The following SMARCC1 variants were observed in gnomAD, a reference collection of about 807,000 sequenced individuals.
SMARCC1 encodes the protein SWI/SNF related BAF chromatin remodeling complex subunit C1, also known as SWI/SNF complex subunit SMARCC1.
Under a neutral mutation model 147.4 loss-of-function variants are expected in SMARCC1, and 43 were observed. The ratio of observed to expected loss-of-function variants is 0.29; its 90% CI spans 0.23 to 0.38. SMARCC1 has a LOEUF of 0.38. SMARCC1 is among the 10% of genes least tolerant of loss of function. The probability of loss-of-function intolerance (pLI) is 1.00; values close to 1 mark genes in which losing one functional copy is unlikely to be tolerated. For synonymous variants in SMARCC1, 495 were observed against 484.4 expected (o/e 1.02, Z -0.29); for missense variants, 1,119 against 1,381.1 (o/e 0.81, Z 3.01).
chr3:47,597,739 G>C (rs534759469), intron 26 of SMARCC1, among the ~76,000 whole-genome samples: 1 of 152,218 alleles, frequency 6.6e-6, no homozygotes, highest in Non-Finnish European at 1.5e-5. Context: ...TGGGACTATG[G>C]GTGTGAGCTA....
At position 47,635,332 on chromosome 3, in the gene SMARCC1, G is replaced by C; in HGVS notation, c.2504C>G (p.Thr835Ser). The change falls in exon 24 of 28, where the codon ACT becomes AGT. Residue 835 changes from threonine (T) to serine (S), a missense_variant. By Grantham distance (58) the Thr-to-Ser change is moderately conservative. Around this residue, in one of 6 missense-constraint regions of SMARCC1, gnomAD observed 157 missense variants for 158.6 expected, o/e 0.99. Coordinates refer to ENST00000254480, the MANE Select transcript of SMARCC1 (RefSeq NM_003074.4). The part of the protein sequence containing the change: ...SEDTKSEEKE[T>S]EENKELTDTC... ...ATCAGTGAGTTCTTTGTTCTCTTCA[G>C]TCTCCTTTTCTTCTGAAAATATCAG... 1.2e-6 allele frequency: 2 copies of C among 1,611,780 alleles called. No individual in the cohort carries two copies. The highest frequency in any genetic ancestry group is 1.7e-6 in the Non-Finnish European group (2 of 1,179,800).
chr3:47,765,891 C>T (rs2034834616), intron 2 of SMARCC1, among the ~76,000 whole-genome samples: 2 of 152,076 alleles, frequency 1.3e-5, no homozygotes, highest in Admixed American at 6.6e-5. Flanking sequence ...TGCCACCACA[C>T]CCGGGTAATT....
intron 1 of SMARCC1, among the ~76,000 whole-genome samples, chr3:47,775,439 T>C (rs1198225077): frequency 1.4e-5 from 2 of 142,158 alleles, no homozygotes; most frequent in East Asian, 4.6e-4. Flanking sequence ...GGATTACAGG[T>C]GTGAGCCACC....
intron 1 of SMARCC1, among the ~76,000 whole-genome samples, chr3:47,776,434 T>A (rs1035222054): frequency 3.9e-5 from 6 of 152,026 alleles, no homozygotes; most frequent in Non-Finnish European, 7.4e-5. Flanking sequence ...AAACTCCATC[T>A]CTACTAAAAA....
At chr3:47,694,955 C>CA (rs994032304) in intron 11 of SMARCC1, among the ~76,000 whole-genome samples, 2 of 151,896 alleles carry the variant, frequency 1.3e-5, no homozygotes, top group African/African-American at 2.4e-5. Context: ...TCTCCCCCTA[C>CA]AAAAAAAACC....
In SMARCC1 at chr3:47,588,080, C is replaced by T. The variant is rs1038137577; in HGVS notation, c.*129G>A. The T allele has an allele frequency of 7.9e-5, 56 of 709,822 alleles. No individual in the cohort carries two copies. Among genetic ancestry groups the T allele is most frequent in the African/African-American group, 6.8e-4 (38 of 55,524 alleles). The allele number at this position is 709,822 out of a possible 1,614,324, so 44.0% of individuals were successfully genotyped here. A position where few individuals can be genotyped will look rare whatever the true frequency, so the allele number is the denominator to read the frequency against. On this transcript the variant is annotated 3_prime_UTR_variant, in exon 28 of 28. Coordinates refer to ENST00000254480, the MANE Select transcript of SMARCC1 (RefSeq NM_003074.4). ...GGGTGGTAAGAGGAGTGGGGAGGCACGGGACACGTGCTTGGAGCTGTGAGA... is the reference window on the plus strand; with the variant it reads ...GGGTGGTAAGAGGAGTGGGGAGGCATGGGACACGTGCTTGGAGCTGTGAGA...
chr3:47,760,701 A>T (rs910773664), intron 2 of SMARCC1, among the ~76,000 whole-genome samples: 5 of 152,100 alleles, frequency 3.3e-5, no homozygotes, highest in Non-Finnish European at 7.4e-5. Flanking sequence ...TAACAAACAA[A>T]CGTCAATCAG....
chr3:47,721,846 T>TA (rs914215473), intron 6 of SMARCC1, among the ~76,000 whole-genome samples: 6 of 152,172 alleles, frequency 3.9e-5, no homozygotes, highest in African/African-American at 1.2e-4. Flanking sequence ...TTCAGTCTCT[T>TA]AAAAAATTTT....
At chr3:47,693,322 T>C in intron 11 of SMARCC1, 22 bp from the exon 12 acceptor site, 1 of 1,374,788 alleles carries the variant, frequency 7.3e-7, no homozygotes, top group Non-Finnish European at 1.0e-6. Context: ...AAAAAAAGAG[T>C]TATGTTTATG....
At chr3:47,703,070 A>G (rs1364771151) in intron 10 of SMARCC1, among the ~76,000 whole-genome samples, 1 of 152,036 alleles carries the variant, frequency 6.6e-6, no homozygotes, top group Non-Finnish European at 1.5e-5. Context: ...TGGGATTACA[A>G]GGGCGCTCAA....
At chr3:47,656,767 A>T (rs1277314207) in intron 21 of SMARCC1, among the ~76,000 whole-genome samples, 1 of 152,038 alleles carries the variant, frequency 6.6e-6, no homozygotes, top group Non-Finnish European at 1.5e-5. Context: ...TACAAAAATT[A>T]GCAGGGCATG....
chr3:47,606,382 G>A (rs2032476266), intron 26 of SMARCC1, among the ~76,000 whole-genome samples: 1 of 152,194 alleles, frequency 6.6e-6, no homozygotes, highest in Non-Finnish European at 1.5e-5. Flanking sequence ...GCTCTACCAT[G>A]CAGCAAAGCT....
In SMARCC1 at chr3:47,655,748, T is replaced by G. The variant is rs537860792; in HGVS notation, c.2320+5546A>C. Among the ~76,000 whole-genome samples the G allele has an allele frequency of 9.3e-4, 142 of 152,020 alleles. 2 individuals are homozygous for G. The highest frequency in any genetic ancestry group is 1.5e-3 in the Non-Finnish European group (100 of 67,986). On this transcript the variant is annotated intron_variant, in intron 21 of 27. Transcript: ENST00000254480. ...AAAAAGACAAATGAAAATCACTGTA[T>G]CTAAAGCACAGTGTATATAAATTTC...
At chr3:47,675,823 T>A (rs2033563923) in intron 17 of SMARCC1, among the ~76,000 whole-genome samples, 1 of 151,802 alleles carries the variant, frequency 6.6e-6, no homozygotes, top group Non-Finnish European at 1.5e-5. Context: ...CACGTGCCTA[T>A]AATCTCAGCT....
At chr3:47,734,404 G>T (rs944090093) in intron 5 of SMARCC1, among the ~76,000 whole-genome samples, 2 of 152,082 alleles carry the variant, frequency 1.3e-5, no homozygotes, top group Admixed American at 6.6e-5. Context: ...ATAATTGTAC[G>T]CAGTATTAGA....
At chr3:47,741,972 T>C (rs1419207962) in intron 3 of SMARCC1, among the ~76,000 whole-genome samples, 2 of 151,978 alleles carry the variant, frequency 1.3e-5, no homozygotes, top group Admixed American at 1.3e-4. Flanking sequence ...GCTGTCATCA[T>C]ACAAAGCTCC....
At position 47,772,903 on chromosome 3, in the gene SMARCC1, G is replaced by A; in HGVS notation, c.229C>T (p.Leu77=). The A allele has an allele frequency of 6.2e-7, 1 of 1,613,592 alleles. No homozygotes were observed. Among genetic ancestry groups the A allele is most frequent in the Non-Finnish European group, 8.5e-7 (1 of 1,179,658 alleles). Residue 77 remains leucine, a synonymous_variant, in exon 2 of 28, where the codon CTG becomes TTG. Transcript: ENST00000254480. Reference sequence around the variant, plus strand: ...AGAAGCTGCACCACCAGCCCAGCCAGTGTTTTATTGGTAGGAGCATCCGCA... The same window carrying A: ...AGAAGCTGCACCACCAGCCCAGCCAATGTTTTATTGGTAGGAGCATCCGCA... ...VHADAPTNKT[L]AGLVVQLLQF...
chr3:47,636,809 T>C (rs1019748473), intron 22 of SMARCC1, among the ~76,000 whole-genome samples: 53 of 150,998 alleles, frequency 3.5e-4, no homozygotes, highest in African/African-American at 1.3e-3. Flanking sequence ...TGTGTGTGTG[T>C]GTGTGTGTGT....
At chr3:47,769,283 G>A (rs2034879021) in intron 2 of SMARCC1, among the ~76,000 whole-genome samples, 1 of 148,176 alleles carries the variant, frequency 6.7e-6, no homozygotes, top group Admixed American at 6.8e-5. Flanking sequence ...TTGAGAAGCA[G>A]AGGTGGCCGG....
Sources: allele counts gnomAD v4.1 joint callset (sites outside exome capture counted in the v4.1 genomes callset), GRCh38; gene constraint gnomAD v4.1.1; regional missense constraint gnomAD v4.1.1; transcripts MANE v1.5; gene names NCBI Gene and HGNC (gene_info 2026-07-23, HGNC 2026-07-21).